The following POU2F1 variants were observed in gnomAD, a reference collection of about 807,000 sequenced individuals.
POU2F1 encodes the protein POU class 2 homeobox 1.
POU2F1 carries 16 observed loss-of-function variants against 84.9 expected under a neutral mutation model. The observed-to-expected ratio is 0.19, with a 90% CI of 0.13 to 0.29. The LOEUF is 0.29. Among genes scored for constraint, POU2F1 ranks in the 10% least tolerant of loss-of-function variants. The pLI is 1.00. For missense variants in POU2F1, 738 were observed against 942.6 expected (o/e 0.78, Z 2.84); for synonymous variants, 368 against 368.3 (o/e 1.00, Z 0.01).
intron 1 of POU2F1, among the ~76,000 whole-genome samples, chr1:167,282,360 G>T (rs1388162356): frequency 6.6e-6 from 1 of 151,918 alleles, no homozygotes; most frequent in East Asian, 1.9e-4. Flanking sequence ...TAGCCAGGAT[G>T]GTCTCGATTT....
Position 167,227,156 on chromosome 1 carries a change from T to TA in POU2F1, c.61+6200dup, listed in dbSNP as rs1648696562. On this transcript the variant is annotated intron_variant, in intron 1 of 15. Transcript: ENST00000367866. ...AGGATACATTATACTAACTTTTTTTTAACAGCCAATGTTCACATTCCACAA... is the reference window on the plus strand; with the variant it reads ...AGGATACATTATACTAACTTTTTTTTAAACAGCCAATGTTCACATTCCACAA... 2.0e-5 allele frequency among the ~76,000 whole-genome samples: 3 copies of TA among 152,286 alleles called. No homozygotes were observed. The South Asian group carries it at 6.2e-4, about 32-fold the overall frequency.
chr1:167,363,586 TAAAA>T (rs1039087973), intron 2 of POU2F1, among the ~76,000 whole-genome samples: 1 of 152,104 alleles, frequency 6.6e-6, no homozygotes, highest in African/African-American at 2.4e-5. Context: ...TGGAAAAAAA[TAAAA>T]AATAAAGGAG....
intron 1 of POU2F1, among the ~76,000 whole-genome samples, chr1:167,282,580 C>G (rs1653233658): frequency 6.6e-6 from 1 of 152,180 alleles, no homozygotes; most frequent in Admixed American, 6.5e-5. Context: ...TTTCCAGCCT[C>G]TTCTCCTGTC....
At chr1:167,320,760 ATCTAT>A (rs1427519654) in intron 1 of POU2F1, among the ~76,000 whole-genome samples, 3 of 152,300 alleles carry the variant, frequency 2.0e-5, no homozygotes, top group Non-Finnish European at 2.9e-5. Context: ...TCTTCTCTGG[ATCTAT>A]TCTATTTATT....
intron 2 of POU2F1, among the ~76,000 whole-genome samples, chr1:167,354,803 G>A (rs1658830185): frequency 1.3e-5 from 2 of 152,056 alleles, no homozygotes; most frequent in African/African-American, 4.8e-5. Context: ...ATCTTTTCCT[G>A]TGTTTATGGG....
At chr1:167,262,020 A>C (rs1432569138) in intron 1 of POU2F1, among the ~76,000 whole-genome samples, 2 of 152,042 alleles carry the variant, frequency 1.3e-5, no homozygotes, top group Non-Finnish European at 2.9e-5. Context: ...TATTTTTCTG[A>C]TTGCTTTGAA....
At chr1:167,315,661 C>T (rs1217940635) in intron 1 of POU2F1, among the ~76,000 whole-genome samples, 1 of 151,558 alleles carries the variant, frequency 6.6e-6, no homozygotes, top group Non-Finnish European at 1.5e-5. Flanking sequence ...TTTTAATTAG[C>T]CAGGTGTGGT....
At chr1:167,260,311 C>G (rs1651463232) in intron 1 of POU2F1, among the ~76,000 whole-genome samples, 1 of 152,100 alleles carries the variant, frequency 6.6e-6, no homozygotes, top group Non-Finnish European at 1.5e-5. Context: ...TAATATCTTT[C>G]CCAGTCTGTG....
intron 1 of POU2F1, among the ~76,000 whole-genome samples, chr1:167,278,185 A>G (rs748097781): frequency 5.3e-5 from 8 of 152,172 alleles, no homozygotes; most frequent in Non-Finnish European, 8.8e-5. Flanking sequence ...CACAGGTACC[A>G]TGCTCTGACC....
chr1:167,340,368 C>T (rs75742375), intron 2 of POU2F1, among the ~76,000 whole-genome samples: 10 of 151,860 alleles, frequency 6.6e-5, no homozygotes, highest in Non-Finnish European at 1.3e-4. Context: ...GTGTGAGCAA[C>T]TGCACCCAGC....
At chr1:167,379,654 G>A (rs1411976342) in intron 7 of POU2F1, 1 of 152,148 alleles carries the variant, frequency 6.6e-6, no homozygotes, top group Admixed American at 6.5e-5. Context: ...AAGAGGGAAG[G>A]AGAAAGTGAC....
intron 1 of POU2F1, among the ~76,000 whole-genome samples, chr1:167,271,079 T>C (rs1557859743): frequency 6.6e-6 from 1 of 152,268 alleles, no homozygotes; most frequent in Non-Finnish European, 1.5e-5. Flanking sequence ...CTAGCATTGT[T>C]TTAATTATTT....
At chr1:167,289,973 G>A (rs909406908) in intron 1 of POU2F1, among the ~76,000 whole-genome samples, 16 of 152,166 alleles carry the variant, frequency 1.1e-4, no homozygotes, top group Admixed American at 2.6e-4. Context: ...GACTTCAAAA[G>A]CAGTATCCAA....
chr1:167,314,519 G>A (rs894233864), intron 1 of POU2F1, among the ~76,000 whole-genome samples: 1 of 152,102 alleles, frequency 6.6e-6, no homozygotes, highest in African/African-American at 2.4e-5. Context: ...GTTGTCGCCT[G>A]TAATCCCAAT....
intron 1 of POU2F1, among the ~76,000 whole-genome samples, chr1:167,228,375 G>T (rs1648800358): frequency 1.3e-5 from 2 of 152,158 alleles, no homozygotes. Flanking sequence ...ATTACTGTAG[G>T]TGCTACTAGA....
At chr1:167,363,773 A>T (rs1659490483) in intron 2 of POU2F1, among the ~76,000 whole-genome samples, 1 of 152,250 alleles carries the variant, frequency 6.6e-6, no homozygotes. Context: ...AAATATTCAT[A>T]CATATCTTTT....
chr1:167,259,720 T>C (rs1651412473), intron 1 of POU2F1, among the ~76,000 whole-genome samples: 1 of 152,202 alleles, frequency 6.6e-6, no homozygotes, highest in Admixed American at 6.5e-5. Flanking sequence ...ATTTATATTC[T>C]TACTACTAGT....
At chr1:167,262,567 C>G (rs1392594731) in intron 1 of POU2F1, among the ~76,000 whole-genome samples, 1 of 152,158 alleles carries the variant, frequency 6.6e-6, no homozygotes, top group African/African-American at 2.4e-5. Flanking sequence ...TACGTACCCT[C>G]TTAGTTTCAC....
intron 2 of POU2F1, among the ~76,000 whole-genome samples, chr1:167,333,448 T>C (rs1657214462): frequency 1.3e-5 from 2 of 152,158 alleles, no homozygotes; most frequent in Non-Finnish European, 2.9e-5. Flanking sequence ...GAGGGATCCC[T>C]TTTGACTTAT....
Sources: gnomAD v4.1 joint callset for allele counts (sites outside exome capture counted in the v4.1 genomes callset) on GRCh38, gnomAD v4.1.1 for gene constraint, MANE v1.5 for transcripts, NCBI Gene and HGNC (gene_info 2026-07-23, HGNC 2026-07-21) for gene names.